NADSYN1: variants seen among roughly 807,000 people sequenced by gnomAD.
NADSYN1 encodes glutamine-dependent NAD(+) synthetase.
Under a neutral mutation model 99.3 loss-of-function variants are expected in NADSYN1, and 80 were observed. That is an observed-to-expected ratio of 0.81 (90% CI 0.67 to 0.97). The LOEUF (loss-of-function observed/expected upper bound fraction) is 0.97, where lower values mean the gene tolerates loss of function less well. NADSYN1 is among the 50% of genes least tolerant of loss of function. The pLI is 0.00. For synonymous variants in NADSYN1, 385 were observed against 372.1 expected (o/e 1.03, Z -0.40); for missense variants, 859 against 948.5 (o/e 0.91, Z 1.24).
chr11:71,473,176 C>T (rs1949639599), intron 6 of NADSYN1, 102 bp from the exon 7 acceptor site: 4 of 1,138,100 alleles, frequency 3.5e-6, no homozygotes, highest in South Asian at 2.6e-5. Flanking sequence ...CCAGAGCCAA[C>T]TCCAGCTCTT....
rs193138953 is a variant in NADSYN1 at position 71,480,989 on chromosome 11, G to A, written c.998+110G>A. On this transcript the variant is annotated intron_variant, in intron 11 of 20. Coordinates refer to ENST00000319023, the MANE Select transcript of NADSYN1 (RefSeq NM_018161.5). ...GGTTTTCAGAACCTGCCTGGGTGGG[G>A]ACTTGCAGAAGGCAACTGTGCATCC... 5.1e-5 allele frequency: 75 copies of A among 1,469,468 alleles called. No individual in the cohort carries two copies. The African/African-American group carries it at 9.5e-4, about 19-fold the overall frequency. The allele number at this position is 1,469,468 out of a possible 1,614,324, so 91.0% of individuals were successfully genotyped here. A position where few individuals can be genotyped will look rare whatever the true frequency, so the allele number is the denominator to read the frequency against.
At position 71,455,157 on chromosome 11, in the gene NADSYN1, G is replaced by C. The variant is rs769946957; in HGVS notation, c.133G>C (p.Glu45Gln). Residue 45 changes from glutamate to glutamine, a missense_variant, in exon 2 of 21, where the codon GAG becomes CAG. Coordinates refer to ENST00000319023, the MANE Select transcript of NADSYN1 (RefSeq NM_018161.5). ...AGGAGCAAGATACAGGCTTGGACCAGAGCTGGAAATATGGTGAGAACAGAC... is the reference window on the plus strand; with the variant it reads ...AGGAGCAAGATACAGGCTTGGACCACAGCTGGAAATATGGTGAGAACAGAC... ...NRGARYRLGPELEICGYGCWD... is the reference protein window; with the variant it reads ...NRGARYRLGPQLEICGYGCWD... The C allele has an allele frequency of 1.9e-6, 3 of 1,613,992 alleles. No individual in the cohort carries two copies. Among genetic ancestry groups the C allele is most frequent in the Admixed American group, 3.3e-5 (2 of 59,992 alleles).
intron 2 of NADSYN1, 32 bp downstream of exon 2, chr11:71,455,202 C>T: frequency 6.4e-7 from 1 of 1,571,894 alleles, no homozygotes; most frequent in African/African-American, 1.4e-5. Context: ...CTGGGGTCGT[C>T]AGCTAGCGAT....
chr11:71,458,286 T>C, intron 2 of NADSYN1, 142 bp from the exon 3 acceptor site: 1 of 674,068 alleles, frequency 1.5e-6, no homozygotes, highest in Non-Finnish European at 2.7e-6. Flanking sequence ...TGCTGGCTGC[T>C]CATTGGAATC....
chr11:71,473,999 G>T (rs1949647194), intron 8 of NADSYN1, among the ~76,000 whole-genome samples: 1 of 152,232 alleles, frequency 6.6e-6, no homozygotes, highest in Non-Finnish European at 1.5e-5. Context: ...TGCTCCTGCT[G>T]TTGGGCAGTG....
Position 71,453,290 on chromosome 11 carries a change from G to C in NADSYN1, c.-7G>C. 6.2e-7 allele frequency: 1 copy of C among 1,613,092 alleles called. No individual in the cohort carries two copies. Among genetic ancestry groups the C allele is most frequent in the Admixed American group, 1.7e-5 (1 of 59,958 alleles). ...GCTGGCCTCCTGCCCAAGCGACTGC[G>C]GCCAGGATGGGCCGGAAGGTGACCG... On this transcript the variant is annotated 5_prime_UTR_variant, in exon 1 of 21. Coordinates refer to ENST00000319023, the MANE Select transcript of NADSYN1 (RefSeq NM_018161.5).
rs773369638 is a variant in NADSYN1, at chr11:71,482,970, C to G, written c.1272C>G (p.Ser424=). The change falls in exon 14 of 21, where the codon TCC becomes TCG. Residue 424 remains serine, a synonymous_variant. Transcript: ENST00000319023. The stretch of plus-strand genomic sequence containing the variant: ...GCTACATGGCCAGCAAGAACTCCTC[C>G]CAGGAGACGTGCACCCGGGCCAGAG... ...TTCYMASKNS[S]QETCTRAREL... 6.2e-7 allele frequency: 1 copy of G among 1,612,702 alleles called. No individual in the cohort carries two copies. The highest frequency in any genetic ancestry group is 8.5e-7 in the Non-Finnish European group (1 of 1,179,596).
chr11:71,464,405 G>T, intron 5 of NADSYN1: 1 of 400,644 alleles, frequency 2.5e-6, no homozygotes, highest in Non-Finnish European at 4.6e-6. Flanking sequence ...ATGTCCCGGG[G>T]TTTAAATATC....
chr11:71,473,173 C>A, intron 6 of NADSYN1, 105 bp from the exon 7 acceptor site: 1 of 1,099,492 alleles, frequency 9.1e-7, no homozygotes, highest in Admixed American at 1.8e-5. Context: ...AGCCCAGAGC[C>A]AACTCCAGCT....
At position 71,497,575 on chromosome 11, in the gene NADSYN1, C is replaced by T. The variant is rs1949828481; in HGVS notation, c.1857C>T (p.Leu619=). The T allele has an allele frequency of 7.4e-6, 12 of 1,614,172 alleles. No individual in the cohort carries two copies. The highest frequency in any genetic ancestry group is 1.0e-5 in the Non-Finnish European group (12 of 1,180,032). The change falls in exon 19 of 21, where the codon CTC becomes CTT. Residue 619 remains leucine (L), a synonymous_variant. Coordinates refer to ENST00000319023, the MANE Select transcript of NADSYN1 (RefSeq NM_018161.5). The part of the protein sequence containing the change: ...KMGPYSMFCK[L]LGMWRHICTP... ...GGCCCTACAGCATGTTCTGCAAACT[C>T]CTCGGCATGTGGAGACACATCTGCA...
At chr11:71,457,977 G>A (rs774973528) in intron 2 of NADSYN1, among the ~76,000 whole-genome samples, 17 of 152,146 alleles carry the variant, frequency 1.1e-4, no homozygotes, top group African/African-American at 3.6e-4. Flanking sequence ...TCATTCAGCC[G>A]ACTACAAGCA....
chr11:71,468,161 C>G (rs371250927), intron 5 of NADSYN1, among the ~76,000 whole-genome samples: 17 of 152,106 alleles, frequency 1.1e-4, no homozygotes, highest in African/African-American at 3.6e-4. Flanking sequence ...TTCACACAAG[C>G]AAAAACAGTT....
intron 16 of NADSYN1, among the ~76,000 whole-genome samples, chr11:71,487,927 T>C (rs1239038984): frequency 1.3e-5 from 2 of 151,922 alleles, no homozygotes; most frequent in African/African-American, 4.8e-5. Context: ...GAAGGCCCTG[T>C]GGCTGCAGAC....
chr11:71,481,483 ATTT>A (rs368250598), intron 12 of NADSYN1, 79 bp downstream of exon 12: 8,975 of 1,063,792 alleles, frequency 8.4e-3, no homozygotes, highest in South Asian at 9.4e-3. Flanking sequence ...CAGGGTAGGG[ATTT>A]TTTTTTTTTT....
chr11:71,464,759 C>T (rs1304702773), intron 5 of NADSYN1, among the ~76,000 whole-genome samples: 2 of 149,178 alleles, frequency 1.3e-5, no homozygotes, highest in South Asian at 2.1e-4. Flanking sequence ...CCCAGCTACT[C>T]GGGAGGCTGA....
intron 5 of NADSYN1, among the ~76,000 whole-genome samples, chr11:71,468,351 AAGT>A (rs1949607020): frequency 6.6e-6 from 1 of 152,202 alleles, no homozygotes; most frequent in African/African-American, 2.4e-5. Context: ...GTGTAGTAAA[AAGT>A]AGGCCAGCCC....
At chr11:71,464,867 CAAAAAAAAAAAA>C (rs926724365) in intron 5 of NADSYN1, among the ~76,000 whole-genome samples, 2 of 40,516 alleles carry the variant, frequency 4.9e-5, no homozygotes, top group Admixed American at 3.0e-4. Context: ...GACTCTGTCT[CAAAAAAAAAAAA>C]AAAAAAAAAA....
chr11:71,478,852 C>G, intron 10 of NADSYN1: 1 of 185,998 alleles, frequency 5.4e-6, no homozygotes. Flanking sequence ...AGGCTGGTCC[C>G]CACTTCGGCA....
intron 5 of NADSYN1, 82 bp from the exon 6 acceptor site, chr11:71,472,367 T>C: frequency 3.4e-6 from 4 of 1,171,004 alleles, no homozygotes; most frequent in Non-Finnish European, 5.2e-6. Context: ...AGGGTTCAGT[T>C]TGAGTTTTGT....
Sources: allele counts gnomAD v4.1 joint callset (sites outside exome capture counted in the v4.1 genomes callset), GRCh38; gene constraint gnomAD v4.1.1; transcripts MANE v1.5; gene names NCBI Gene and HGNC (gene_info 2026-07-23, HGNC 2026-07-21).